The following PEAK1 variants were observed in gnomAD, a reference collection of about 807,000 sequenced individuals.
PEAK1 encodes the protein pseudopodium enriched atypical kinase 1, also known as inactive tyrosine-protein kinase PEAK1.
Under a neutral mutation model 124.7 loss-of-function variants are expected in PEAK1, and 54 were observed. The observed-to-expected ratio is 0.43, with a 90% confidence interval of 0.35 to 0.54. The LOEUF (loss-of-function observed/expected upper bound fraction) is 0.54, where lower values mean the gene tolerates loss of function less well. Ranked by LOEUF, PEAK1 falls within the 20% of genes least tolerant of loss-of-function variation. The pLI is 0.01. For synonymous variants in PEAK1, 719 were observed against 760.0 expected, an observed-to-expected ratio of 0.95 and a Z score of 0.89; for missense variants, 2,046 against 2,134.5, an observed-to-expected ratio of 0.96 and a Z score of 0.82.
At chr15:77,256,579 A>G (rs1479308173) in intron 5 of PEAK1, among the ~76,000 whole-genome samples, 2 of 152,210 alleles carry the variant, frequency 1.3e-5, no homozygotes, top group South Asian at 2.1e-4. Context: ...TAGTTTTTAC[A>G]TTTTTAAAGA....
intron 6 of PEAK1, among the ~76,000 whole-genome samples, chr15:77,188,321 G>C (rs1401187561): frequency 6.6e-6 from 1 of 152,146 alleles, no homozygotes; most frequent in African/African-American, 2.4e-5. Context: ...CTGTCACATG[G>C]TAGTCATCTC....
At chr15:77,328,820 A>G (rs2065729927) in intron 2 of PEAK1, among the ~76,000 whole-genome samples, 1 of 152,220 alleles carries the variant, frequency 6.6e-6, no homozygotes, top group Admixed American at 6.5e-5. Flanking sequence ...TCACTGAAAC[A>G]TTCAGGAAGC....
chr15:77,219,703 A>G (rs11636803), intron 6 of PEAK1, among the ~76,000 whole-genome samples: 41,266 of 151,942 alleles, frequency 0.27, 6,654 homozygotes, highest in Middle Eastern at 0.38. Flanking sequence ...AAAGAATAAA[A>G]TATCTTTTGA....
rs1473657503 is a variant in PEAK1, at chr15:77,313,498, C to CTCTTGT, written c.-602-27000_-602-26995dup. On this transcript the variant is annotated intron_variant, in intron 2 of 9. Coordinates refer to ENST00000682557, the MANE Select transcript of PEAK1 (RefSeq NM_001385026.1). ...TTGTTTATTTTGAGATGGAGTTTCACTCTTGTTGCCCAAGCTGGAGTGCAA... is the reference window on the plus strand; with the variant it reads ...TTGTTTATTTTGAGATGGAGTTTCACTCTTGTTCTTGTTGCCCAAGCTGGAGTGCAA... 6.6e-5 allele frequency among the ~76,000 whole-genome samples: 10 copies of CTCTTGT among 151,816 alleles called. No individual in the cohort carries two copies. The East Asian group carries it at 1.9e-3, about 29-fold the overall frequency.
intron 2 of PEAK1, 51 bp from the exon 3 acceptor site, chr15:77,286,555 T>C (rs2062941122): frequency 1.1e-6 from 1 of 921,162 alleles, no homozygotes; most frequent in Non-Finnish European, 1.4e-6. Flanking sequence ...GGCATTTGAA[T>C]CACTCTTTAA....
At chr15:77,419,274 A>T (rs992215819) in intron 1 of PEAK1, 1 of 985,248 alleles carries the variant, frequency 1.0e-6, no homozygotes, top group African/African-American at 1.7e-5. Flanking sequence ...AACGAAATCA[A>T]GCTCCCAGAC....
chr15:77,197,121 G>A lies in PEAK1; in HGVS notation c.-114-15081C>T, dbSNP rs1006726555. 4.3e-4 allele frequency among the ~76,000 whole-genome samples: 66 copies of A among 152,072 alleles called. 2 individuals are homozygous for A. Among genetic ancestry groups the A allele is most frequent in the Admixed American group, 3.7e-3 (56 of 15,272 alleles). ...ACCTGCCTTGGCCTCCCATAGTGCC[G>A]GGATTACAGGCATGAGCCACCACAC... is the stretch of plus-strand genomic sequence containing the variant. On this transcript the variant is annotated intron_variant, in intron 6 of 9. Transcript: ENST00000682557.
intron 1 of PEAK1, among the ~76,000 whole-genome samples, chr15:77,369,618 C>A (rs1313536156): frequency 6.6e-6 from 1 of 152,068 alleles, no homozygotes; most frequent in Non-Finnish European, 1.5e-5. Flanking sequence ...TAGTATATTG[C>A]CACAAAGTTT....
intron 7 of PEAK1, among the ~76,000 whole-genome samples, chr15:77,175,913 C>A (rs1249012818): frequency 2.0e-5 from 3 of 152,128 alleles, no homozygotes; most frequent in African/African-American, 7.2e-5. Flanking sequence ...CCACAGAATA[C>A]TATGCAGCCA....
intron 2 of PEAK1, chr15:77,348,407 G>A: frequency 1.1e-6 from 1 of 913,900 alleles, no homozygotes; most frequent in Non-Finnish European, 1.3e-6. Flanking sequence ...ATAAGCAAGG[G>A]AAATGTCTTT....
intron 1 of PEAK1, chr15:77,404,734 A>C (rs1024841288): frequency 1.1e-6 from 1 of 947,506 alleles, no homozygotes; most frequent in Non-Finnish European, 1.3e-6. Flanking sequence ...AGGATTTATT[A>C]ATGATAAAGT....
intron 9 of PEAK1, among the ~76,000 whole-genome samples, chr15:77,130,572 C>G (rs2052771810): frequency 6.6e-6 from 1 of 152,146 alleles, no homozygotes; most frequent in Non-Finnish European, 1.5e-5. Context: ...CAATCGTTAC[C>G]TTATCCATTA....
intron 8 of PEAK1, among the ~76,000 whole-genome samples, chr15:77,140,947 C>T (rs1207046370): frequency 6.6e-6 from 1 of 152,072 alleles, no homozygotes; most frequent in Admixed American, 6.6e-5. Context: ...AAGTGACCTG[C>T]CTGCCTTGGC....
chr15:77,418,899 C>G, intron 1 of PEAK1: 6 of 985,356 alleles, frequency 6.1e-6, no homozygotes, highest in Non-Finnish European at 7.2e-6. Context: ...CAAGGCAATC[C>G]CAATTCAGGT....
chr15:77,142,256 C>T (rs1422128915), intron 8 of PEAK1, among the ~76,000 whole-genome samples: 1 of 152,184 alleles, frequency 6.6e-6, no homozygotes, highest in Non-Finnish European at 1.5e-5. Flanking sequence ...GAGGTAAATG[C>T]AAACTGAGAC....
At chr15:77,131,802 GTA>G (rs2052886965) in intron 9 of PEAK1, among the ~76,000 whole-genome samples, 1 of 152,084 alleles carries the variant, frequency 6.6e-6, no homozygotes, top group South Asian at 2.1e-4. Flanking sequence ...CATAAACCAG[GTA>G]TGATGGCTCA....
chr15:77,244,556 ATTAC>A (rs1567159563), intron 6 of PEAK1, among the ~76,000 whole-genome samples: 1 of 151,340 alleles, frequency 6.6e-6, no homozygotes, highest in African/African-American at 2.4e-5. Context: ...GTGTTTTGTT[ATTAC>A]TTATATATGA....
intron 9 of PEAK1, among the ~76,000 whole-genome samples, chr15:77,118,535 A>AT (rs2051605026): frequency 6.6e-6 from 1 of 152,164 alleles, no homozygotes; most frequent in Non-Finnish European, 1.5e-5. Flanking sequence ...TTCCTGTCAA[A>AT]TTTTTTCCTT....
chr15:77,284,567 C>T (rs1485263417), intron 4 of PEAK1, among the ~76,000 whole-genome samples: 2 of 152,114 alleles, frequency 1.3e-5, no homozygotes, highest in Non-Finnish European at 2.9e-5. Context: ...TCTCTCTTCA[C>T]CATAGGATCA....
Sources: allele counts gnomAD v4.1 joint callset (sites outside exome capture counted in the v4.1 genomes callset), GRCh38; gene constraint gnomAD v4.1.1; transcripts MANE v1.5; gene names NCBI Gene and HGNC (gene_info 2026-07-23, HGNC 2026-07-21).